The following CPNE4 variants were observed in gnomAD, a reference collection of about 807,000 sequenced individuals.
The protein encoded by CPNE4 is copine-4.
In CPNE4, 25 loss-of-function variants were observed where a neutral mutation model predicts 67.9. The observed-to-expected ratio is 0.37, with a 90% CI of 0.27 to 0.51. The LOEUF is 0.51. CPNE4 is among the 20% of genes least tolerant of loss of function. The pLI is 0.93. For missense variants in CPNE4, 464 were observed against 690.8 expected, an observed-to-expected ratio of 0.67 and a Z score of 3.68; for synonymous variants, 242 against 244.9, an observed-to-expected ratio of 0.99 and a Z score of 0.11.
At chr3:132,008,232 A>C in intron 1 of CPNE4, among the ~76,000 whole-genome samples, 1 of 152,200 alleles carries the variant, frequency 6.6e-6, no homozygotes, top group East Asian at 1.9e-4. Context: ...TCTCGAGTGA[A>C]ATGGAGTAAA....
At chr3:131,764,992 A>G (rs2082974489) in intron 2 of CPNE4, among the ~76,000 whole-genome samples, 1 of 152,114 alleles carries the variant, frequency 6.6e-6, no homozygotes. Flanking sequence ...GGATTTTAGG[A>G]GGCAGCAACT....
intron 2 of CPNE4, among the ~76,000 whole-genome samples, chr3:131,757,662 C>A (rs1160622910): frequency 6.6e-6 from 1 of 152,186 alleles, no homozygotes; most frequent in East Asian, 1.9e-4. Context: ...TAATGTTAAT[C>A]CCCAACACCC....
At chr3:131,701,283 C>T (rs1256398284) in intron 3 of CPNE4, among the ~76,000 whole-genome samples, 3 of 152,008 alleles carry the variant, frequency 2.0e-5, no homozygotes, top group Non-Finnish European at 4.4e-5. Context: ...TACACTCATG[C>T]TTAGAGGGAA....
At chr3:131,655,886 C>T (rs1164391586) in intron 7 of CPNE4, among the ~76,000 whole-genome samples, 9 of 152,154 alleles carry the variant, frequency 5.9e-5, no homozygotes, top group African/African-American at 1.9e-4. Context: ...AGGAACTGTT[C>T]AAAGAAGCAA....
intron 2 of CPNE4, among the ~76,000 whole-genome samples, chr3:131,819,041 A>T (rs940304383): frequency 6.6e-6 from 1 of 152,212 alleles, no homozygotes; most frequent in African/African-American, 2.4e-5. Flanking sequence ...TGGAGGTTGC[A>T]GTGAGCGAAG....
intron 7 of CPNE4, among the ~76,000 whole-genome samples, chr3:131,654,753 C>T (rs568843489): frequency 1.3e-5 from 2 of 152,298 alleles, no homozygotes; most frequent in Non-Finnish European, 2.9e-5. Context: ...ATACAATTGA[C>T]TAGAGTAGTG....
intron 1 of CPNE4, among the ~76,000 whole-genome samples, chr3:131,993,314 G>C (rs72994837): frequency 7.5e-6 from 1 of 133,916 alleles, no homozygotes; most frequent in South Asian, 2.7e-4. Flanking sequence ...CCAGGTTCAG[G>C]ACCTTTAAAG....
rs1363936943 is a variant in CPNE4, at chr3:131,760,707, C to T, written c.181-37082G>A. 3.9e-5 allele frequency among the ~76,000 whole-genome samples: 6 copies of T among 152,320 alleles called. No individual in the cohort carries two copies. In the East Asian group the frequency reaches 1.2e-3, roughly 29 times the overall value. ...TGCCCAGCAAAGCTTTGGAAGCTCT[C>T]ATTTGCACTCCATGAGTAACCAGAT... On this transcript the variant is annotated intron_variant, in intron 2 of 15. Coordinates refer to ENST00000429747, the MANE Select transcript of CPNE4 (RefSeq NM_130808.3).
intron 2 of CPNE4, among the ~76,000 whole-genome samples, chr3:131,727,552 G>A (rs1311062382): frequency 6.6e-6 from 1 of 151,980 alleles, no homozygotes; most frequent in Non-Finnish European, 1.5e-5. Context: ...TGCTATCATG[G>A]TGCTCATTTA....
chr3:131,825,069 T>G (rs1022034638), intron 2 of CPNE4, among the ~76,000 whole-genome samples: 1 of 152,168 alleles, frequency 6.6e-6, no homozygotes, highest in Non-Finnish European at 1.5e-5. Context: ...AGGGATCTAC[T>G]GGGAGATTCC....
At chr3:131,700,053 C>CA in intron 3 of CPNE4, 73 bp from the exon 4 acceptor site, 2 of 345,124 alleles carry the variant, frequency 5.8e-6, no homozygotes, top group South Asian at 3.6e-5. Flanking sequence ...ATTTTTTAAA[C>CA]CTTTTTTTTT....
intron 1 of CPNE4, among the ~76,000 whole-genome samples, chr3:132,028,842 ATG>A (rs1207298297): frequency 6.6e-6 from 1 of 152,116 alleles, no homozygotes; most frequent in African/African-American, 2.4e-5. Flanking sequence ...AAAAAAAAGA[ATG>A]TAAAATATCT....
upstream of CPNE4, among the ~76,000 whole-genome samples, chr3:132,039,030 A>G (rs1258780005): frequency 6.6e-6 from 1 of 152,186 alleles, no homozygotes; most frequent in Non-Finnish European, 1.5e-5. Flanking sequence ...GTAAAATTAA[A>G]AGTTGATTTT....
intron 7 of CPNE4, among the ~76,000 whole-genome samples, chr3:131,637,702 A>T (rs2079430222): frequency 6.6e-6 from 1 of 152,192 alleles, no homozygotes; most frequent in Non-Finnish European, 1.5e-5. Context: ...TGGGAAATTC[A>T]TCACAAAAAG....
chr3:131,537,120 C>G (rs1304093323), intron 15 of CPNE4, among the ~76,000 whole-genome samples: 2 of 152,016 alleles, frequency 1.3e-5, no homozygotes, highest in African/African-American at 4.8e-5. Context: ...TTAAAAATCA[C>G]CAAAATGTGC....
chr3:131,933,626 A>G (rs554729798), intron 1 of CPNE4, among the ~76,000 whole-genome samples: 19 of 152,280 alleles, frequency 1.2e-4, no homozygotes, highest in Admixed American at 3.3e-4. Flanking sequence ...GAAATTAATT[A>G]AGCTAGGTGT....
chr3:131,989,338 C>T (rs906172891), intron 1 of CPNE4, among the ~76,000 whole-genome samples: 10 of 152,202 alleles, frequency 6.6e-5, no homozygotes, highest in Admixed American at 1.3e-4. Flanking sequence ...TAAAGGCTTT[C>T]AGGTAGCATA....
At chr3:131,737,091 G>A (rs1304091083) in intron 2 of CPNE4, among the ~76,000 whole-genome samples, 4 of 136,026 alleles carry the variant, frequency 2.9e-5, no homozygotes, top group South Asian at 4.8e-4. Flanking sequence ...TACATTCAGT[G>A]CCTCTTTTTA....
chr3:131,855,347 A>C (rs2086398991), intron 2 of CPNE4, among the ~76,000 whole-genome samples: 1 of 151,960 alleles, frequency 6.6e-6, no homozygotes, highest in African/African-American at 2.4e-5. Flanking sequence ...GTGCCCACTA[A>C]GGTTGGATTC....
Sources: gnomAD v4.1 joint callset for allele counts (sites outside exome capture counted in the v4.1 genomes callset) on GRCh38, gnomAD v4.1.1 for gene constraint, MANE v1.5 for transcripts, NCBI Gene and HGNC (gene_info 2026-07-23, HGNC 2026-07-21) for gene names.